The following NFATC1 variants were observed in gnomAD, a reference collection of about 807,000 sequenced individuals.
NFATC1 encodes nuclear factor of activated T cells 1.
In NFATC1, 22 loss-of-function variants were observed where a neutral mutation model predicts 76.0. That is an observed-to-expected ratio of 0.29 (90% confidence interval 0.21 to 0.41). The LOEUF is 0.41. Ranked by LOEUF, NFATC1 falls within the 10% of genes least tolerant of loss-of-function variation. The probability of loss-of-function intolerance (pLI) is 1.00; values close to 1 mark genes in which losing one functional copy is unlikely to be tolerated. For synonymous variants in NFATC1, 704 were observed against 613.1 expected (o/e 1.15, Z -2.19); for missense variants, 1,357 against 1,337.7 (o/e 1.01, Z -0.23).
chr18:79,508,874 C>T (rs1373809178), intron 9 of NFATC1, among the ~76,000 whole-genome samples: 1 of 152,078 alleles, frequency 6.6e-6, no homozygotes, highest in African/African-American at 2.4e-5. Context: ...CTCTGCCTCT[C>T]TGTCTCTCTC....
At chr18:79,509,465 G>T (rs541867769) in intron 9 of NFATC1, among the ~76,000 whole-genome samples, 1 of 152,368 alleles carries the variant, frequency 6.6e-6, no homozygotes, top group East Asian at 1.9e-4. Context: ...CGTGGGAGGA[G>T]AGGAGAGCAC....
intron 1 of NFATC1, among the ~76,000 whole-genome samples, chr18:79,405,445 C>T (rs1484021723): frequency 6.6e-6 from 1 of 152,248 alleles, no homozygotes; most frequent in African/African-American, 2.4e-5. Context: ...ATTTTCCCTT[C>T]ATGTAAATAT....
intron 6 of NFATC1, among the ~76,000 whole-genome samples, chr18:79,460,322 C>T (rs1363130507): frequency 6.6e-6 from 1 of 152,252 alleles, no homozygotes; most frequent in African/African-American, 2.4e-5. Flanking sequence ...ATACCTGTAA[C>T]TGTTCATTTT....
chr18:79,401,762 C>T (rs1168967989), intron 1 of NFATC1, among the ~76,000 whole-genome samples: 1 of 152,216 alleles, frequency 6.6e-6, no homozygotes, highest in African/African-American at 2.4e-5. Flanking sequence ...GGCTCCCACA[C>T]CCGTGCAGTC....
chr18:79,429,653 C>G (rs1335928134), intron 2 of NFATC1, among the ~76,000 whole-genome samples: 3 of 152,212 alleles, frequency 2.0e-5, no homozygotes, highest in Non-Finnish European at 4.4e-5. Context: ...TCCTTTCCCG[C>G]TCATTTGGGC....
intron 3 of NFATC1, among the ~76,000 whole-genome samples, chr18:79,442,334 G>A (rs1568967039): frequency 6.6e-6 from 1 of 152,262 alleles, no homozygotes; most frequent in Admixed American, 6.5e-5. Context: ...CGTCGGTCCT[G>A]CTGAGCAGCC....
chr18:79,419,688 G>A (rs899930320), intron 2 of NFATC1, among the ~76,000 whole-genome samples: 4 of 152,250 alleles, frequency 2.6e-5, no homozygotes. Context: ...CCAGCTGGGA[G>A]GAAGTGTCTG....
intron 9 of NFATC1, among the ~76,000 whole-genome samples, chr18:79,495,253 G>A (rs533000158): frequency 5.9e-5 from 9 of 152,374 alleles, no homozygotes; most frequent in African/African-American, 1.9e-4. Context: ...AGAGGTGCCC[G>A]CTCCTGTGAG....
chr18:79,518,519 A>T (rs2090439706), intron 9 of NFATC1, among the ~76,000 whole-genome samples: 1 of 152,196 alleles, frequency 6.6e-6, no homozygotes, highest in African/African-American at 2.4e-5. Context: ...CTCGTGAAAG[A>T]TGCAGATCAG....
At chr18:79,419,807 G>C (rs983023742) in intron 2 of NFATC1, among the ~76,000 whole-genome samples, 1 of 152,226 alleles carries the variant, frequency 6.6e-6, no homozygotes, top group Admixed American at 6.5e-5. Context: ...TTCGGCAGCC[G>C]GGCAGCCGCA....
intron 2 of NFATC1, among the ~76,000 whole-genome samples, chr18:79,424,933 CT>C (rs1465169695): frequency 6.6e-6 from 1 of 150,882 alleles, no homozygotes; most frequent in Non-Finnish European, 1.5e-5. Context: ...CTCTGTGTCT[CT>C]CTCTGTCTCT....
chr18:79,508,726 CCT>C (rs1473724789), intron 9 of NFATC1, among the ~76,000 whole-genome samples: 1 of 151,432 alleles, frequency 6.6e-6, no homozygotes, highest in African/African-American at 2.4e-5. Flanking sequence ...AATCTCTGTC[CCT>C]CTCTCCATCC....
Position 79,514,039 on chromosome 18 carries a change from C to T in NFATC1, c.2783-13489C>T, listed in dbSNP as rs569623604. Reference sequence around the variant, plus strand: ...GTGGACGTGCGTGGGGCAGAGTGAGCGGAGTGGCAGGTTCCTCCAGGCGCT... The same window carrying T: ...GTGGACGTGCGTGGGGCAGAGTGAGTGGAGTGGCAGGTTCCTCCAGGCGCT... On this transcript the variant is annotated intron_variant, in intron 9 of 9. Transcript: ENST00000427363. 4.6e-5 allele frequency among the ~76,000 whole-genome samples: 7 copies of T among 152,250 alleles called. No homozygotes were observed. The South Asian group carries it at 1.0e-3, about 23-fold the overall frequency.
chr18:79,486,918 C>T lies in NFATC1; in HGVS notation c.2763C>T (p.Asp921=). The change falls in exon 9 of 10, where the codon GAC becomes GAT. Residue 921 remains aspartate (D), a synonymous_variant. Transcript: ENST00000427363. ...VTVKREPEEL[D]QLYLDDVNEI... ...TCAAGCGAGAGCCTGAAGAGTTGGA[C>T]CAGTTGTACCTGGATGACGGTGAGT... 6.3e-7 allele frequency: 1 copy of T among 1,599,766 alleles called. No homozygotes were observed. Among genetic ancestry groups the T allele is most frequent in the Non-Finnish European group, 8.5e-7 (1 of 1,171,608 alleles).
intron 6 of NFATC1, among the ~76,000 whole-genome samples, chr18:79,459,020 A>G (rs1195065894): frequency 6.6e-6 from 1 of 152,248 alleles, no homozygotes; most frequent in Non-Finnish European, 1.5e-5. Context: ...CAGACGTCGG[A>G]CACCACGGGG....
chr18:79,397,705 C>T (rs1408232915), intron 1 of NFATC1, among the ~76,000 whole-genome samples: 2 of 152,180 alleles, frequency 1.3e-5, no homozygotes, highest in African/African-American at 4.8e-5. Flanking sequence ...TGTTCATTAT[C>T]ACTCCCTTTA....
chr18:79,520,296 G>A lies in NFATC1; in HGVS notation c.2783-7232G>A, dbSNP rs147235220. The stretch of plus-strand genomic sequence containing the variant: ...CGTTGCTGCCTCTGCAGATGCCTCC[G>A]GAGGGACTCGGTGTGTCTCGGTGTT... On this transcript the variant is annotated intron_variant, in intron 9 of 9. Transcript: ENST00000427363. Among the ~76,000 whole-genome samples the A allele has an allele frequency of 1.9e-3, 285 of 151,942 alleles. 2 individuals are homozygous for A. The highest frequency in any genetic ancestry group is 6.2e-3 in the African/African-American group (255 of 41,414).
At chr18:79,471,802 G>C (rs2088797827) in intron 8 of NFATC1, among the ~76,000 whole-genome samples, 1 of 152,232 alleles carries the variant, frequency 6.6e-6, no homozygotes, top group African/African-American at 2.4e-5. Context: ...GAACAGATCT[G>C]CCTCGGGATC....
intron 9 of NFATC1, among the ~76,000 whole-genome samples, chr18:79,500,499 A>G (rs1000598734): frequency 4.6e-5 from 7 of 152,160 alleles, no homozygotes; most frequent in Non-Finnish European, 8.8e-5. Context: ...AAGGAGAGAA[A>G]AAACCCAAGG....
Sources: gnomAD v4.1 joint callset for allele counts (sites outside exome capture counted in the v4.1 genomes callset) on GRCh38, gnomAD v4.1.1 for gene constraint, MANE v1.5 for transcripts, NCBI Gene and HGNC (gene_info 2026-07-23, HGNC 2026-07-21) for gene names.